Variants in FBXL17 observed in about 807,000 individuals in gnomAD.
The protein encoded by FBXL17 is F-box/LRR-repeat protein 17.
Under a neutral mutation model 66.2 loss-of-function variants are expected in FBXL17, and 22 were observed. That is an observed-to-expected ratio of 0.33 (90% CI 0.24 to 0.47). FBXL17 has a LOEUF of 0.47. FBXL17 is among the 20% of genes least tolerant of loss of function. FBXL17 has a pLI of 1.00. For synonymous variants in FBXL17, 474 were observed against 400.5 expected (o/e 1.18, Z -2.19); for missense variants, 878 against 948.2 (o/e 0.93, Z 0.97).
chr5:108,105,056 T>C (rs550424516), intron 6 of FBXL17, among the ~76,000 whole-genome samples: 1 of 152,322 alleles, frequency 6.6e-6, no homozygotes, highest in East Asian at 1.9e-4. Flanking sequence ...TTAGCTAGGA[T>C]GGTCTGGATC....
At chr5:107,888,560 T>G (rs1749049462) in intron 7 of FBXL17, among the ~76,000 whole-genome samples, 1 of 152,164 alleles carries the variant, frequency 6.6e-6, no homozygotes. Context: ...TATCTTGACT[T>G]CCAATCACAC....
intron 6 of FBXL17, among the ~76,000 whole-genome samples, chr5:108,074,356 T>C (rs957674591): frequency 6.6e-6 from 1 of 151,972 alleles, no homozygotes; most frequent in Admixed American, 6.5e-5. Context: ...AGAAGTCAGC[T>C]TAATTAAAAG....
chr5:108,295,484 G>A (rs998281835), intron 4 of FBXL17, among the ~76,000 whole-genome samples: 17 of 151,852 alleles, frequency 1.1e-4, no homozygotes, highest in African/African-American at 3.6e-4. Context: ...CAAAGTAGAG[G>A]AGCTAAGAAT....
At chr5:108,138,005 T>G (rs908846229) in intron 6 of FBXL17, among the ~76,000 whole-genome samples, 3 of 152,160 alleles carry the variant, frequency 2.0e-5, no homozygotes, top group Non-Finnish European at 2.9e-5. Context: ...TTTCTAGAAT[T>G]TTTTGTCTAT....
At chr5:107,999,432 T>C (rs925784544) in intron 7 of FBXL17, among the ~76,000 whole-genome samples, 1 of 145,222 alleles carries the variant, frequency 6.9e-6, no homozygotes. Flanking sequence ...ATTTACTTTT[T>C]TTTTTTTACT....
chr5:108,189,977 T>C (rs960963146), intron 5 of FBXL17, among the ~76,000 whole-genome samples: 8 of 152,180 alleles, frequency 5.3e-5, no homozygotes, highest in African/African-American at 1.9e-4. Flanking sequence ...GAGATCTTGA[T>C]TGCCTTGTGA....
At chr5:108,294,111 C>A (rs1758242236) in intron 4 of FBXL17, among the ~76,000 whole-genome samples, 1 of 131,240 alleles carries the variant, frequency 7.6e-6, no homozygotes, top group South Asian at 2.4e-4. Context: ...AAATTCAAAG[C>A]AGACATGATA....
chr5:107,981,960 C>T (rs1487888257), intron 7 of FBXL17, among the ~76,000 whole-genome samples: 1 of 152,154 alleles, frequency 6.6e-6, no homozygotes, highest in African/African-American at 2.4e-5. Flanking sequence ...GAGGTCTAAA[C>T]TAAGGCTGAT....
intron 7 of FBXL17, among the ~76,000 whole-genome samples, chr5:107,898,645 G>T (rs920112702): frequency 3.9e-5 from 6 of 151,960 alleles, no homozygotes; most frequent in Non-Finnish European, 8.8e-5. Flanking sequence ...AACAGGCCCC[G>T]GTGTGTGATG....
At chr5:108,349,507 G>C (rs936264938) in intron 3 of FBXL17, among the ~76,000 whole-genome samples, 4 of 152,016 alleles carry the variant, frequency 2.6e-5, no homozygotes, top group African/African-American at 7.2e-5. Context: ...TCCAGGGGTG[G>C]TGATAGATAT....
intron 7 of FBXL17, among the ~76,000 whole-genome samples, chr5:108,018,148 G>C (rs1423016579): frequency 6.6e-6 from 1 of 152,130 alleles, no homozygotes; most frequent in Admixed American, 6.6e-5. Context: ...TTGAATACGA[G>C]TAAAGCAATA....
chr5:108,141,529 T>C lies in FBXL17; in HGVS notation c.1745+44588A>G, dbSNP rs150683987. On this transcript the variant is annotated intron_variant, in intron 6 of 8. Transcript: ENST00000542267. ...ATTGTAGGACCTAAACAATATCTTTTTCAATGAAAAGAAGGACATCAGTCC... is the reference window on the plus strand; with the variant it reads ...ATTGTAGGACCTAAACAATATCTTTCTCAATGAAAAGAAGGACATCAGTCC... Among the ~76,000 whole-genome samples the C allele has an allele frequency of 4.2e-3, 647 of 152,326 alleles. 3 individuals are homozygous for C. Among genetic ancestry groups the C allele is most frequent in the African/African-American group, 0.015 (618 of 41,578 alleles).
At chr5:108,123,352 C>T (rs1467465611) in intron 6 of FBXL17, among the ~76,000 whole-genome samples, 6 of 151,954 alleles carry the variant, frequency 3.9e-5, no homozygotes, top group Admixed American at 6.6e-5. Context: ...AAAGCAAGAT[C>T]GAGCAACTCT....
Position 107,870,628 on chromosome 5 carries a change from C to G in FBXL17, c.1966-8768G>C, listed in dbSNP as rs370845836. ...TTTGAGATGGAGTCTTGCTGTCACC[C>G]AGGCTGGAGTGCAGCAGCTCCATCT... On this transcript the variant is annotated intron_variant, in intron 8 of 8. Transcript: ENST00000542267. Among the ~76,000 whole-genome samples, 464 of 151,686 alleles carry G rather than the reference C, an allele frequency of 3.1e-3. 3 individuals are homozygous for G. The highest frequency in any genetic ancestry group is 0.011 in the African/African-American group (450 of 41,316).
chr5:107,879,331 T>C (rs1179398216), intron 8 of FBXL17: 2 of 985,346 alleles, frequency 2.0e-6, no homozygotes, highest in African/African-American at 3.5e-5. Flanking sequence ...TTGATTCCTG[T>C]TTCTAGAGGA....
At chr5:108,374,945 A>T (rs2112632055) in intron 1 of FBXL17, among the ~76,000 whole-genome samples, 1 of 152,274 alleles carries the variant, frequency 6.6e-6, no homozygotes, top group South Asian at 2.1e-4. Context: ...AAGAAACTAT[A>T]AAAAGAAAAC....
At chr5:108,069,577 C>T (rs964808381) in intron 6 of FBXL17, among the ~76,000 whole-genome samples, 2 of 152,284 alleles carry the variant, frequency 1.3e-5, no homozygotes, top group East Asian at 3.9e-4. Flanking sequence ...GGAAATTATA[C>T]TCATTAAAAA....
intron 6 of FBXL17, among the ~76,000 whole-genome samples, chr5:108,142,576 C>T (rs1405354282): frequency 6.6e-6 from 1 of 152,110 alleles, no homozygotes; most frequent in African/African-American, 2.4e-5. Flanking sequence ...CTGATTTTTT[C>T]GCCTAGAGCC....
chr5:108,018,964 A>G (rs1754484485), intron 7 of FBXL17, among the ~76,000 whole-genome samples: 1 of 152,186 alleles, frequency 6.6e-6, no homozygotes, highest in Admixed American at 6.6e-5. Flanking sequence ...AGGGTTGAGA[A>G]ACACTGAACT....
Sources: gnomAD v4.1 joint callset for allele counts (sites outside exome capture counted in the v4.1 genomes callset) on GRCh38, gnomAD v4.1.1 for gene constraint, MANE v1.5 for transcripts, NCBI Gene and HGNC (gene_info 2026-07-23, HGNC 2026-07-21) for gene names.